DCC: variants seen among roughly 807,000 people sequenced by gnomAD.
DCC encodes netrin receptor DCC.
A neutral mutation model predicts 172.5 loss-of-function variants in DCC; 58 were observed. That is an observed-to-expected ratio of 0.34 (90% CI 0.27 to 0.42). DCC has a LOEUF of 0.42. DCC is among the 10% of genes least tolerant of loss of function. DCC has a pLI of 1.00. For missense variants in DCC, 1,740 were observed against 1,791.0 expected (o/e 0.97, Z 0.51); for synonymous variants, 709 against 644.5 (o/e 1.10, Z -1.52).
intron 20 of DCC, among the ~76,000 whole-genome samples, chr18:53,413,358 T>C (rs1042679302): frequency 3.9e-5 from 6 of 152,206 alleles, no homozygotes; most frequent in African/African-American, 1.4e-4. Context: ...GTCAAATTCT[T>C]TTATGACAAA....
intron 3 of DCC, among the ~76,000 whole-genome samples, chr18:52,922,392 G>A (rs953963497): frequency 3.3e-5 from 5 of 152,156 alleles, no homozygotes; most frequent in East Asian, 3.9e-4. Context: ...TGTCAAATAT[G>A]TCCTATGTCC....
At position 53,278,649 on chromosome 18, in the gene DCC, A is replaced by T. The variant is rs181054732; in HGVS notation, c.1912-26929A>T. On this transcript the variant is annotated intron_variant, in intron 12 of 28. Coordinates refer to ENST00000442544, the MANE Select transcript of DCC (RefSeq NM_005215.4). Reference sequence around the variant, plus strand: ...TGATGTGACTTGATAATTTCTCCTTAAAACAATTCATTTTCATTTCTTTCA... The same window carrying T: ...TGATGTGACTTGATAATTTCTCCTTTAAACAATTCATTTTCATTTCTTTCA... Among the ~76,000 whole-genome samples the T allele has an allele frequency of 5.3e-5, 8 of 152,308 alleles. No individual in the cohort carries two copies. The East Asian group carries it at 1.5e-3, about 29-fold the overall frequency.
chr18:53,006,327 T>C (rs1471548428), intron 5 of DCC, among the ~76,000 whole-genome samples: 1 of 152,180 alleles, frequency 6.6e-6, no homozygotes, highest in Non-Finnish European at 1.5e-5. Flanking sequence ...GCAATTATTC[T>C]TAAGCATGGC....
At chr18:52,621,246 C>T (rs895878589) in intron 1 of DCC, among the ~76,000 whole-genome samples, 1 of 152,134 alleles carries the variant, frequency 6.6e-6, no homozygotes, top group Non-Finnish European at 1.5e-5. Context: ...TTTTCTCTGA[C>T]AGGAATGTTC....
At chr18:53,411,183 C>T (rs1462573479) in intron 20 of DCC, among the ~76,000 whole-genome samples, 1 of 151,892 alleles carries the variant, frequency 6.6e-6, no homozygotes, top group Admixed American at 6.6e-5. Flanking sequence ...CAGAGAAACA[C>T]TAAAGCTGAA....
In DCC at chr18:53,451,171, A is replaced by G. The variant is rs1305283842; in HGVS notation, c.3392+509A>G. Among the ~76,000 whole-genome samples the G allele has an allele frequency of 2.0e-5, 3 of 152,338 alleles. No individual in the cohort carries two copies. The East Asian group carries it at 5.8e-4, about 29-fold the overall frequency. ...GGTGCTTAGTTTGGAGGCAGTAGTT[A>G]AGAAAGAAGAGAGAGTTCTGAGATT... is the stretch of plus-strand genomic sequence containing the variant. On this transcript the variant is annotated intron_variant, in intron 23 of 28. Coordinates refer to ENST00000442544, the MANE Select transcript of DCC (RefSeq NM_005215.4).
At chr18:53,196,426 T>C (rs2055443753) in intron 9 of DCC, among the ~76,000 whole-genome samples, 1 of 152,186 alleles carries the variant, frequency 6.6e-6, no homozygotes, top group South Asian at 2.1e-4. Flanking sequence ...TACTACTTGG[T>C]TGTGTTAGTG....
At chr18:52,953,505 G>C (rs560939777) in intron 5 of DCC, among the ~76,000 whole-genome samples, 1 of 152,282 alleles carries the variant, frequency 6.6e-6, no homozygotes, top group East Asian at 1.9e-4. Context: ...GGACCTTCCA[G>C]AACAGTGGCC....
Position 52,722,658 on chromosome 18 carries a change from CG to C in DCC, c.92-29395del, listed in dbSNP as rs112934676. Among the ~76,000 whole-genome samples the C allele has an allele frequency of 1.1e-3, 169 of 152,214 alleles. 1 individual carries two copies. Among genetic ancestry groups the C allele is most frequent in the African/African-American group, 3.7e-3 (155 of 41,526 alleles). On this transcript the variant is annotated intron_variant, in intron 1 of 28. Coordinates refer to ENST00000442544, the MANE Select transcript of DCC (RefSeq NM_005215.4). ...ATAAATGTCCTCCCAATTGTTCAGA[CG>C]CATCTGTCCATTTCTTCTTTTTGAG... is the stretch of plus-strand genomic sequence containing the variant.
chr18:53,345,005 T>C (rs1219514231), intron 15 of DCC, among the ~76,000 whole-genome samples: 1 of 151,904 alleles, frequency 6.6e-6, no homozygotes, highest in East Asian at 1.9e-4. Flanking sequence ...TAATAGTCTC[T>C]GTCACCACTC....
At chr18:52,464,733 GTAC>G (rs1270131456) in intron 1 of DCC, among the ~76,000 whole-genome samples, 3 of 151,844 alleles carry the variant, frequency 2.0e-5, no homozygotes. Context: ...CAGGCAGTTG[GTAC>G]TACCTGTTTT....
chr18:52,931,965 A>T (rs1028610295), intron 5 of DCC: 1 of 152,078 alleles, frequency 6.6e-6, no homozygotes, highest in Non-Finnish European at 1.5e-5. Context: ...GAAAAAACGA[A>T]AATGTTATAT....
chr18:53,313,561 A>G (rs2057308917), intron 13 of DCC, among the ~76,000 whole-genome samples: 1 of 152,188 alleles, frequency 6.6e-6, no homozygotes, highest in Admixed American at 6.5e-5. Flanking sequence ...TCTAAGCAAG[A>G]GAACAAATTA....
chr18:53,306,299 A>G (rs1324621924), intron 13 of DCC, among the ~76,000 whole-genome samples: 2 of 152,244 alleles, frequency 1.3e-5, no homozygotes, highest in Non-Finnish European at 2.9e-5. Context: ...ATAATCATGT[A>G]TTTAATAACT....
At chr18:53,286,746 A>G (rs968889763) in intron 12 of DCC, among the ~76,000 whole-genome samples, 38 of 152,226 alleles carry the variant, frequency 2.5e-4, no homozygotes, top group African/African-American at 8.2e-4. Context: ...CATCATAGCC[A>G]TGATGAAGGA....
intron 1 of DCC, among the ~76,000 whole-genome samples, chr18:52,350,656 A>T (rs1423127684): frequency 6.6e-6 from 1 of 152,142 alleles, no homozygotes; most frequent in Non-Finnish European, 1.5e-5. Context: ...CCAGAACTTA[A>T]ATATAATTTA....
intron 12 of DCC, among the ~76,000 whole-genome samples, chr18:53,290,998 T>A (rs2056997196): frequency 6.6e-6 from 1 of 152,006 alleles, no homozygotes; most frequent in Non-Finnish European, 1.5e-5. Context: ...GAAACCCCTG[T>A]CTCTACTAAA....
At chr18:52,776,737 C>T (rs2037442001) in intron 2 of DCC, among the ~76,000 whole-genome samples, 1 of 152,214 alleles carries the variant, frequency 6.6e-6, no homozygotes, top group Admixed American at 6.5e-5. Flanking sequence ...CATACTCAGT[C>T]TCCCTGTGAC....
intron 5 of DCC, among the ~76,000 whole-genome samples, chr18:53,032,300 T>C (rs896928035): frequency 5.3e-5 from 8 of 152,136 alleles, no homozygotes; most frequent in African/African-American, 1.9e-4. Flanking sequence ...AAAAGCCCTT[T>C]TACCTGAAAG....
Sources: allele counts gnomAD v4.1 joint callset (sites outside exome capture counted in the v4.1 genomes callset), GRCh38; gene constraint gnomAD v4.1.1; transcripts MANE v1.5; gene names NCBI Gene and HGNC (gene_info 2026-07-23, HGNC 2026-07-21).